Variants in EXD3 observed in about 807,000 individuals in gnomAD.
EXD3 encodes the protein exonuclease 3'-5' domain containing 3.
A neutral mutation model predicts 98.0 loss-of-function variants in EXD3; 92 were observed. That is an observed-to-expected ratio of 0.94 (90% CI 0.79 to 1.12). EXD3 has a LOEUF of 1.12. Ranked by LOEUF, EXD3 falls within the 50% of genes most tolerant of loss-of-function variation. The pLI, the probability that EXD3 is intolerant of heterozygous loss-of-function variation, is 0.00. For missense variants in EXD3, 1,222 were observed against 1,191.6 expected (o/e 1.03, Z -0.38); for synonymous variants, 569 against 526.0 (o/e 1.08, Z -1.12).
intron 7 of EXD3, chr9:137,365,723 C>G: frequency 3.2e-6 from 1 of 313,444 alleles, no homozygotes; most frequent in African/African-American, 2.2e-5. Context: ...CACACACATA[C>G]AAACACACAC....
rs370313436 is a variant in EXD3, at chr9:137,323,643, G to C, written c.2184+82C>G. On this transcript the variant is annotated intron_variant, in intron 19 of 21. Transcript: ENST00000340951. ...CCCACCCCAGACCCACCACTGTCTA[G>C]GGTGGGGCCCACCTCCCTGGACACC... The C allele has an allele frequency of 3.1e-4, 482 of 1,550,342 alleles. 2 individuals are homozygous for C. The East Asian group carries it at 9.0e-3, about 29-fold the overall frequency.
intron 19 of EXD3, among the ~76,000 whole-genome samples, chr9:137,321,258 G>A (rs1046308496): frequency 8.5e-5 from 13 of 152,206 alleles, no homozygotes; most frequent in Non-Finnish European, 1.9e-4. Context: ...AGCCAGGTGG[G>A]TGCCCTTGAG....
Position 137,351,430 on chromosome 9 carries a change from G to A in EXD3, c.1272C>T (p.His424=), listed in dbSNP as rs759512243. Residue 424 remains histidine, a synonymous_variant, in exon 13 of 22, where the codon CAC becomes CAT. Coordinates refer to ENST00000340951, the MANE Select transcript of EXD3 (RefSeq NM_017820.5). Reference sequence around the variant, plus strand: ...GTGCCAGGACGTCCAGAAGGAACACGTGGCCCTCCACGGCCACCTGCAGGA... The same window carrying A: ...GTGCCAGGACGTCCAGAAGGAACACATGGCCCTCCACGGCCACCTGCAGGA... The part of the protein sequence containing the change: ...PSLLQVAVEG[H]VFLLDVLALS... 25 of 1,607,404 alleles carry A rather than the reference G, an allele frequency of 1.6e-5. No individual in the cohort carries two copies. Among genetic ancestry groups the A allele is most frequent in the African/African-American group, 4.0e-5 (3 of 74,856 alleles).
rs1308757354 is a variant in EXD3, at chr9:137,352,088, C to G, written c.1151G>C (p.Arg384Thr). Residue 384 changes from arginine to threonine, a missense_variant, in exon 12 of 22, where the codon AGA becomes ACA. Arg to Thr is a moderately conservative substitution (Grantham distance 71, BLOSUM62 -1). Transcript: ENST00000340951. ...CACCTGCAGGAGTGCACCCTCGTGT[C>G]TGGTCAGGTCTTCCCACGAGGCCAG... ...HLLASWEDLT[R>T]HEGALLQCHQ... The G allele has an allele frequency of 6.2e-7, 1 of 1,612,334 alleles. No individual in the cohort carries two copies. Among genetic ancestry groups the G allele is most frequent in the South Asian group, 1.1e-5 (1 of 91,010 alleles).
At chr9:137,329,759 ACACGGGG>A in intron 17 of EXD3, among the ~76,000 whole-genome samples, 1 of 42,868 alleles carries the variant, frequency 2.3e-5, no homozygotes, top group Admixed American at 2.1e-4. Context: ...ACACGGGACT[ACACGGGG>A]TCACACGGGA....
At chr9:137,326,431 C>T (rs901321058) in intron 17 of EXD3, among the ~76,000 whole-genome samples, 4 of 151,958 alleles carry the variant, frequency 2.6e-5, no homozygotes, top group African/African-American at 9.7e-5. Context: ...GAGGCTGAGG[C>T]GGGAGGATGG....
intron 20 of EXD3, 37 bp from the exon 21 acceptor site, chr9:137,307,683 C>T (rs370028352): frequency 6.3e-5 from 101 of 1,604,828 alleles, no homozygotes; most frequent in Non-Finnish European, 7.9e-5. Context: ...CGGGACTGTC[C>T]TAGGGATGGG....
intron 7 of EXD3, chr9:137,366,261 G>C (rs1564516372): frequency 1.5e-5 from 11 of 712,164 alleles, no homozygotes; most frequent in Non-Finnish European, 2.8e-5. Flanking sequence ...GTTCTTCTAA[G>C]AGCAGTTAAC....
In EXD3 at chr9:137,403,341, C is replaced by A. The variant is rs187989873; in HGVS notation, c.-47-7937G>T. 2.0e-5 allele frequency among the ~76,000 whole-genome samples: 3 copies of A among 152,030 alleles called. No individual in the cohort carries two copies. The highest frequency in any genetic ancestry group is 7.2e-5 in the African/African-American group (3 of 41,400). On this transcript the variant is annotated intron_variant, in intron 1 of 21. Coordinates refer to ENST00000340951, the MANE Select transcript of EXD3 (RefSeq NM_017820.5). The surrounding 1 kb of genome is among the most constrained non-coding windows in gnomAD (Gnocchi z 6.1). Reference sequence around the variant, plus strand: ...CTGTCCAGGAAAAAGCCCTCCCAGCCGCACCTGCCAGCCACTGAGTTTGGG... The same window carrying A: ...CTGTCCAGGAAAAAGCCCTCCCAGCAGCACCTGCCAGCCACTGAGTTTGGG...
intron 1 of EXD3, among the ~76,000 whole-genome samples, chr9:137,401,048 G>A (rs983660557): frequency 1.1e-4 from 16 of 152,068 alleles, no homozygotes; most frequent in African/African-American, 2.4e-4. Flanking sequence ...GCAGGCTGTC[G>A]GTGGATCTAC....
chr9:137,417,563 C>A (rs969580517), intron 1 of EXD3, among the ~76,000 whole-genome samples: 1 of 152,304 alleles, frequency 6.6e-6, no homozygotes, highest in South Asian at 2.1e-4. Context: ...CGGGCAGAGA[C>A]CACGGGGACC....
intron 19 of EXD3, among the ~76,000 whole-genome samples, chr9:137,320,695 C>G (rs1427158884): frequency 1.3e-5 from 2 of 152,210 alleles, no homozygotes; most frequent in Admixed American, 1.3e-4. Context: ...CCCTGGACAC[C>G]CTTCTCCATG....
chr9:137,334,888 T>C (rs1273318495), intron 17 of EXD3, among the ~76,000 whole-genome samples: 1 of 151,116 alleles, frequency 6.6e-6, no homozygotes, highest in East Asian at 2.0e-4. Flanking sequence ...CCATCCTGGC[T>C]AACACAGTGA....
At chr9:137,352,941 C>T in intron 10 of EXD3, 155 bp from the exon 11 acceptor site, 2 of 1,422,632 alleles carry the variant, frequency 1.4e-6, no homozygotes, top group Admixed American at 5.9e-5. Flanking sequence ...AGCATCTGTC[C>T]TGCCTGAGGT....
Position 137,347,521 on chromosome 9 carries a change from G to A in EXD3, c.1998+550C>T, listed in dbSNP as rs1225479082. The stretch of plus-strand genomic sequence containing the variant: ...TGCAGTGGCGTGATCTCAGCTCACT[G>A]TAACCTCTGCCTCCGGTGTTTAAGC... On this transcript the variant is annotated intron_variant, in intron 17 of 21. Transcript: ENST00000340951. The surrounding 1 kb of genome is among the most constrained non-coding windows in gnomAD (Gnocchi z 4.2). Among the ~76,000 whole-genome samples the A allele has an allele frequency of 6.6e-6, 1 of 151,756 alleles. No individual in the cohort carries two copies. Among genetic ancestry groups the A allele is most frequent in the Non-Finnish European group, 1.5e-5 (1 of 67,956 alleles).
chr9:137,342,381 G>A (rs941958190), intron 17 of EXD3, among the ~76,000 whole-genome samples: 14 of 148,440 alleles, frequency 9.4e-5, no homozygotes, highest in African/African-American at 2.5e-4. Flanking sequence ...ACCAGGAGCC[G>A]TCTCCCAGGA....
chr9:137,374,046 AC>A (rs1263475162), intron 3 of EXD3, among the ~76,000 whole-genome samples: 2 of 152,244 alleles, frequency 1.3e-5, no homozygotes, highest in Middle Eastern at 3.2e-3. Context: ...GATTTGGGAA[AC>A]GGATAAGAGG....
intron 1 of EXD3, among the ~76,000 whole-genome samples, chr9:137,413,077 C>A (rs571903979): frequency 5.2e-4 from 79 of 152,212 alleles, no homozygotes; most frequent in Non-Finnish European, 9.6e-4. Context: ...CCACCACACC[C>A]AGCCTCAGTA....
In EXD3 at chr9:137,307,635, T is replaced by A. The variant is rs1831116607; in HGVS notation, c.2290A>T (p.Thr764Ser). 4.3e-6 allele frequency: 7 copies of A among 1,609,970 alleles called. No individual in the cohort carries two copies. In the East Asian group the frequency reaches 1.6e-4, roughly 36 times the overall value. ...GGCTCCTGCACCGCCTGGCTCTGGG[T>A]GGCCTCGTCACCTGTCAGTCAAGGA... ...EGPRSSGDEA[T>S]QSQAVQEPGP... Residue 764 changes from threonine to serine, a missense_variant, in exon 21 of 22, where the codon ACC becomes TCC. Physicochemically the swap from Thr to Ser is moderately conservative, Grantham distance 58 (BLOSUM62 1). Coordinates refer to ENST00000340951, the MANE Select transcript of EXD3 (RefSeq NM_017820.5).
Sources: allele counts gnomAD v4.1 joint callset (sites outside exome capture counted in the v4.1 genomes callset), GRCh38; gene constraint gnomAD v4.1.1; non-coding constraint Gnocchi (gnomAD v3.1); transcripts MANE v1.5; gene names NCBI Gene and HGNC (gene_info 2026-07-23, HGNC 2026-07-21).